Variants in STIM2 observed in about 807,000 individuals in gnomAD.
The protein encoded by STIM2 is stromal interaction molecule 2.
STIM2 carries 31 observed loss-of-function variants against 85.8 expected under a neutral mutation model. The observed-to-expected ratio is 0.36, with a 90% CI of 0.27 to 0.49. The LOEUF is 0.49. Among genes scored for constraint, STIM2 ranks in the 20% least tolerant of loss-of-function variants. The pLI is 0.98. For synonymous variants in STIM2, 356 were observed against 331.1 expected (o/e 1.08, Z -0.82); for missense variants, 841 against 927.6 (o/e 0.91, Z 1.21).
At chr4:26,923,193 C>G (rs892802971) in intron 2 of STIM2, among the ~76,000 whole-genome samples, 3 of 150,758 alleles carry the variant, frequency 2.0e-5, no homozygotes, top group Non-Finnish European at 4.4e-5. Context: ...AACTAACAAC[C>G]AGAAAGGACA....
chr4:26,952,444 A>C (rs1467941277), intron 2 of STIM2, among the ~76,000 whole-genome samples: 1 of 152,176 alleles, frequency 6.6e-6, no homozygotes, highest in African/African-American at 2.4e-5. Flanking sequence ...TGAAAAATAA[A>C]TGATTTACAA....
At chr4:26,862,368 G>C (rs989707049) in intron 1 of STIM2, among the ~76,000 whole-genome samples, 6 of 148,046 alleles carry the variant, frequency 4.1e-5, no homozygotes, top group African/African-American at 1.3e-4. Context: ...TAGATCTGTA[G>C]ATTTCCTACA....
chr4:26,908,080 CA>C (rs994966877), intron 1 of STIM2, among the ~76,000 whole-genome samples: 2 of 151,768 alleles, frequency 1.3e-5, no homozygotes, highest in South Asian at 4.2e-4. Context: ...GATAATTGTT[CA>C]AAAAAAATCC....
intron 1 of STIM2, among the ~76,000 whole-genome samples, chr4:26,901,038 CT>C (rs1316692645): frequency 6.6e-6 from 1 of 152,204 alleles, no homozygotes; most frequent in Non-Finnish European, 1.5e-5. Context: ...AGAATTTCCT[CT>C]TTCCTTCCCT....
chr4:26,975,189 T>A (rs543985152), intron 3 of STIM2, among the ~76,000 whole-genome samples: 1 of 152,324 alleles, frequency 6.6e-6, no homozygotes, highest in African/African-American at 2.4e-5. Context: ...TCGAACATCC[T>A]GCATTAGCTC....
At chr4:26,957,926 G>T (rs1480393116) in intron 3 of STIM2, among the ~76,000 whole-genome samples, 200 bp downstream of exon 3, 1 of 152,076 alleles carries the variant, frequency 6.6e-6, no homozygotes, top group Admixed American at 6.6e-5. Flanking sequence ...TAAGCATCAG[G>T]CTGTTCTCAT....
intron 3 of STIM2, among the ~76,000 whole-genome samples, chr4:26,979,377 C>T (rs1398593685): frequency 6.6e-6 from 1 of 152,154 alleles, no homozygotes; most frequent in African/African-American, 2.4e-5. Context: ...GTAGATGGTT[C>T]TTCATGAGCT....
At chr4:26,865,681 A>G (rs1292775747) in intron 1 of STIM2, among the ~76,000 whole-genome samples, 1 of 152,158 alleles carries the variant, frequency 6.6e-6, no homozygotes, top group African/African-American at 2.4e-5. Context: ...AATATGGATA[A>G]TAAGCCATTT....
chr4:26,999,423 A>G (rs1339725466), intron 5 of STIM2, 76 bp downstream of exon 5: 25 of 844,106 alleles, frequency 3.0e-5, no homozygotes, highest in Non-Finnish European at 3.9e-5. Flanking sequence ...AGGAAAGAGA[A>G]AAATAAGATA....
intron 3 of STIM2, among the ~76,000 whole-genome samples, chr4:26,977,354 T>C (rs1727238516): frequency 6.6e-6 from 1 of 152,232 alleles, no homozygotes. Context: ...ATTTGAGATT[T>C]ACTATATGGA....
chr4:26,946,903 A>T (rs1231683563), intron 2 of STIM2, among the ~76,000 whole-genome samples: 2 of 152,216 alleles, frequency 1.3e-5, no homozygotes, highest in Non-Finnish European at 2.9e-5. Context: ...TACTAGACCT[A>T]AGATATGGGG....
intron 10 of STIM2, among the ~76,000 whole-genome samples, chr4:27,017,170 C>T (rs1409774395): frequency 3.3e-5 from 5 of 152,208 alleles, no homozygotes; most frequent in Non-Finnish European, 7.4e-5. Context: ...GGATCTAAGA[C>T]TTCTGTTTAG....
chr4:26,944,649 A>AT, intron 2 of STIM2, among the ~76,000 whole-genome samples: 1 of 151,970 alleles, frequency 6.6e-6, no homozygotes, highest in East Asian at 1.9e-4. Context: ...GTAAAAGTTT[A>AT]TTTTTTTCTA....
chr4:26,871,154 T>G (rs1307635307), intron 1 of STIM2, among the ~76,000 whole-genome samples: 2 of 152,182 alleles, frequency 1.3e-5, no homozygotes, highest in East Asian at 3.8e-4. Context: ...GGGATTTAAA[T>G]TTTTGCCAGG....
chr4:26,921,676 A>G (rs1724803316), intron 2 of STIM2, among the ~76,000 whole-genome samples: 1 of 152,110 alleles, frequency 6.6e-6, no homozygotes, highest in Admixed American at 6.6e-5. Flanking sequence ...CCTTTTATCC[A>G]TTCTAGTTAT....
chr4:27,023,072 T>G lies in STIM2; in HGVS notation c.*76T>G, dbSNP rs1000448793. The stretch of plus-strand genomic sequence containing the variant: ...CCCCCACCCTCCACTCCCCACCTTT[T>G]TTTTGGTTTAATTTTAGGAATGTAA... On this transcript the variant is annotated 3_prime_UTR_variant, in exon 12 of 12. Transcript: ENST00000467087. 7.0e-7 allele frequency: 1 copy of G among 1,419,744 alleles called. No individual in the cohort carries two copies. 87.9% of individuals were successfully genotyped at this position (1,419,744 alleles called of 1,614,324 possible).
chr4:27,011,119 C>G (rs1245249834), intron 10 of STIM2, among the ~76,000 whole-genome samples: 9 of 152,288 alleles, frequency 5.9e-5, no homozygotes, highest in African/African-American at 9.6e-5. Context: ...CTACCCTTCC[C>G]CACTGTTTTA....
At chr4:26,912,299 G>T (rs142096775) in intron 1 of STIM2, among the ~76,000 whole-genome samples, 2 of 152,172 alleles carry the variant, frequency 1.3e-5, no homozygotes, top group Non-Finnish European at 1.5e-5. Context: ...CTTAGTTTGT[G>T]ATTGAGTCAC....
At position 26,861,154 on chromosome 4, in the gene STIM2, T is replaced by G. The variant is rs777999869; in HGVS notation, c.-65T>G. The G allele has an allele frequency of 7.5e-7, 1 of 1,324,820 alleles. No individual in the cohort carries two copies. Among genetic ancestry groups the G allele is most frequent in the South Asian group, 2.0e-5 (1 of 49,776 alleles). The allele number at this position is 1,324,820 out of a possible 1,614,324, so 82.1% of individuals were successfully genotyped here. A position where few individuals can be genotyped will look rare whatever the true frequency, so the allele number is the denominator to read the frequency against. ...TTTCACCCGGCTTCTCCTCGGCGCC[T>G]TCATCCCGCCTCGACTCCTGGCCCA... On this transcript the variant is annotated 5_prime_UTR_variant, in exon 1 of 12. Transcript: ENST00000467087.
Sources: gnomAD v4.1 joint callset for allele counts (sites outside exome capture counted in the v4.1 genomes callset) on GRCh38, gnomAD v4.1.1 for gene constraint, MANE v1.5 for transcripts, NCBI Gene and HGNC (gene_info 2026-07-23, HGNC 2026-07-21) for gene names.